TIMM44: variants seen among roughly 807,000 people sequenced by gnomAD.
TIMM44 encodes the protein mitochondrial import inner membrane translocase subunit TIM44.
TIMM44 carries 37 observed loss-of-function variants against 63.8 expected under a neutral mutation model. That is an observed-to-expected ratio of 0.58 (90% CI 0.45 to 0.76). The LOEUF is 0.76. Among genes scored for constraint, TIMM44 ranks in the 30% least tolerant of loss-of-function variants. The pLI is 0.00. For missense variants in TIMM44, 573 were observed against 603.8 expected, an observed-to-expected ratio of 0.95 and a Z score of 0.54; for synonymous variants, 239 against 245.1, an observed-to-expected ratio of 0.98 and a Z score of 0.23.
At position 7,932,747 on chromosome 19, in the gene TIMM44, G is replaced by A; in HGVS notation, c.867C>T (p.Gly289=). 1 of 1,614,102 alleles carries A rather than the reference G, an allele frequency of 6.2e-7. No homozygotes were observed. Among genetic ancestry groups the A allele is most frequent in the Non-Finnish European group, 8.5e-7 (1 of 1,179,982 alleles). The part of the protein sequence containing the change: ...LTDKVTDLLG[G]LFSKTEMSEV... ...CCGACATCTCTGTCTTGGAGAACAG[G>A]CCCCCTGCAGGGAGCAGAGCCGGGA... The change falls in exon 9 of 13, where the codon GGC becomes GGT. Residue 289 remains glycine, a synonymous_variant. Transcript: ENST00000270538.
chr19:7,938,036 T>C lies in TIMM44; in HGVS notation c.303A>G (p.Arg101=). ...CAGCAAAGAAACTCACGTATTTCCT[T>C]CTGGCCTCCTGGAGCACGTCTGATT... ...LEESDVLQEA[R]RKYKTIESET... is the part of the protein sequence containing the mutation. Residue 101 remains arginine, a synonymous_variant, in exon 3 of 13, where the codon AGA becomes AGG. Transcript: ENST00000270538. The C allele has an allele frequency of 6.2e-7, 1 of 1,614,076 alleles. No individual in the cohort carries two copies. The highest frequency in any genetic ancestry group is 8.5e-7 in the Non-Finnish European group (1 of 1,179,994).
chr19:7,934,670 G>A lies in TIMM44; in HGVS notation c.393+395C>T, dbSNP rs1568296797. Among the ~76,000 whole-genome samples, 1 of 152,124 alleles carries A rather than the reference G, an allele frequency of 6.6e-6. No individual in the cohort carries two copies. Among genetic ancestry groups the A allele is most frequent in the Non-Finnish European group, 1.5e-5 (1 of 67,992 alleles). On this transcript the variant is annotated intron_variant, in intron 4 of 12. Transcript: ENST00000270538. This position sits in a 1 kb window ranked among gnomAD's most constrained non-coding sequence, Gnocchi z 5.3. ...CCGGGGAAAGAACGGCGGTGAGGGC[G>A]CCCCATGCTGCGCAAAGCTGGACAG...
intron 10 of TIMM44, among the ~76,000 whole-genome samples, chr19:7,930,394 C>T (rs760854344): frequency 1.3e-5 from 2 of 150,900 alleles, no homozygotes; most frequent in Non-Finnish European, 2.9e-5. Context: ...CTGTAACCTC[C>T]ACCTCCCGGA....
At chr19:7,927,329 C>A in intron 12 of TIMM44, 23 bp from the exon 13 acceptor site, 3 of 1,607,564 alleles carry the variant, frequency 1.9e-6, no homozygotes, top group Non-Finnish European at 2.5e-6. Context: ...GTGGGAAGGG[C>A]ACTGTTGAGA....
intron 2 of TIMM44, among the ~76,000 whole-genome samples, chr19:7,939,869 G>A (rs568232877): frequency 3.2e-4 from 49 of 152,204 alleles, no homozygotes; most frequent in African/African-American, 1.1e-3. Context: ...GCGGTATCTC[G>A]CCCCTGCACT....
At chr19:7,931,898 C>G (rs1338266716) in intron 9 of TIMM44, 1 of 155,160 alleles carries the variant, frequency 6.4e-6, no homozygotes, top group Non-Finnish European at 1.4e-5. Flanking sequence ...GGCGCCCATC[C>G]GCACCACCTC....
At chr19:7,928,699 G>A (rs1241700410) in intron 10 of TIMM44, 3 of 152,074 alleles carry the variant, frequency 2.0e-5, no homozygotes, top group Non-Finnish European at 4.4e-5. Flanking sequence ...GAGAAAAGAT[G>A]TTCTGATAGC....
intron 1 of TIMM44, among the ~76,000 whole-genome samples, chr19:7,942,760 A>C (rs1277809068): frequency 1.3e-5 from 2 of 150,276 alleles, no homozygotes. Context: ...TGCCGGGTTC[A>C]AGTGATTCTC....
Position 7,932,937 on chromosome 19 carries a change from G to A in TIMM44, c.770-5C>T. On this transcript the variant is annotated splice_region_variant and splice_polypyrimidine_tract_variant and intron_variant, in intron 7 of 12. Coordinates refer to ENST00000270538, the MANE Select transcript of TIMM44 (RefSeq NM_006351.4). ...TCATCTTCATCTCGAAGAACCCTGT[G>A]GAAGATGGGGTAGGTGCTGGAGAAG... is the stretch of plus-strand genomic sequence containing the variant. The A allele has an allele frequency of 6.2e-7, 1 of 1,613,196 alleles. No individual in the cohort carries two copies. Among genetic ancestry groups the A allele is most frequent in the Non-Finnish European group, 8.5e-7 (1 of 1,179,232 alleles).
chr19:7,929,261 T>A (rs1014182827), intron 10 of TIMM44, among the ~76,000 whole-genome samples: 27 of 152,160 alleles, frequency 1.8e-4, no homozygotes, highest in African/African-American at 6.5e-4. Flanking sequence ...AGACCCCAGG[T>A]ACGCGGTGCT....
chr19:7,927,447 A>G, intron 12 of TIMM44, 141 bp from the exon 13 acceptor site: 2 of 1,142,326 alleles, frequency 1.8e-6, no homozygotes, highest in Non-Finnish European at 2.6e-6. Flanking sequence ...AATTGCCTAG[A>G]CTCAGGAACC....
Position 7,935,756 on chromosome 19 carries a change from C to T in TIMM44, c.313-611G>A, listed in dbSNP as rs528360970. Among the ~76,000 whole-genome samples the T allele has an allele frequency of 2.0e-5, 3 of 152,302 alleles. No individual in the cohort carries two copies. The South Asian group carries it at 6.2e-4, about 32-fold the overall frequency. On this transcript the variant is annotated intron_variant, in intron 3 of 12. Transcript: ENST00000270538. ...GGTAGGAGGTGGCCTTGCCTGTCAT[C>T]ACTGTGCCCCTCATCCAGCCTCCAG...
rs753419157 is a variant in TIMM44, at chr19:7,935,167, C to CTTTTT, written c.313-27_313-23dup. 2.9e-4 allele frequency: 365 copies of CTTTTT among 1,253,594 alleles called. 4 individuals carry two copies. The highest frequency in any genetic ancestry group is 4.7e-4 in the Middle Eastern group (2 of 4,236). The allele number at this position is 1,253,594 out of a possible 1,614,324, so 77.7% of individuals were successfully genotyped here. A position where few individuals can be genotyped will look rare whatever the true frequency, so the allele number is the denominator to read the frequency against. ...TTTTCTAGGTAAAGAGCGCTGTGTC[C>CTTTTT]TTTTTTTTTTTTTTTTTTTTGAGAC... is the stretch of plus-strand genomic sequence containing the variant. On this transcript the variant is annotated intron_variant, in intron 3 of 12. Transcript: ENST00000270538.
At chr19:7,938,756 A>G (rs1238994462) in intron 2 of TIMM44, among the ~76,000 whole-genome samples, 1 of 152,160 alleles carries the variant, frequency 6.6e-6, no homozygotes, top group African/African-American at 2.4e-5. Flanking sequence ...GCAGTGAGCC[A>G]AGATTATGCC....
chr19:7,927,790 G>C (rs764028635), intron 11 of TIMM44, 23 bp from the exon 12 acceptor site: 5 of 1,604,168 alleles, frequency 3.1e-6, no homozygotes, highest in African/African-American at 2.7e-5. Flanking sequence ...CGAGAGGGGG[G>C]ATGTGCCTCA....
chr19:7,932,915 T>C lies in TIMM44; in HGVS notation c.787A>G (p.Met263Val), dbSNP rs1984029651. 1.2e-6 allele frequency: 2 copies of C among 1,614,114 alleles called. No homozygotes were observed. Among genetic ancestry groups the C allele is most frequent in the Admixed American group, 1.7e-5 (1 of 60,032 alleles). Residue 263 changes from methionine (M) to valine (V), a missense_variant, in exon 8 of 13, where the codon ATG (methionine) becomes GTG (valine). Coordinates refer to ENST00000270538, the MANE Select transcript of TIMM44 (RefSeq NM_006351.4). ...GCGTTGTCGCTTTCGTCATACTTCATCTTCATCTCGAAGAACCCTGTGGAA... is the reference window on the plus strand; with the variant it reads ...GCGTTGTCGCTTTCGTCATACTTCACCTTCATCTCGAAGAACCCTGTGGAA... ...VVFNRFFEMK[M>V]KYDESDNAFI... is the part of the protein sequence containing the mutation.
chr19:7,935,305 A>T, intron 3 of TIMM44, 160 bp from the exon 4 acceptor site: 2 of 663,792 alleles, frequency 3.0e-6, no homozygotes, highest in Non-Finnish European at 5.2e-6. Flanking sequence ...AGCTGGGACT[A>T]CAGGGCCCAC....
chr19:7,939,249 G>C (rs1413069314), intron 2 of TIMM44, among the ~76,000 whole-genome samples: 3 of 152,156 alleles, frequency 2.0e-5, no homozygotes, highest in African/African-American at 7.2e-5. Flanking sequence ...GGAGGGGCAT[G>C]GCAACTCTTT....
intron 12 of TIMM44, 63 bp from the exon 13 acceptor site, chr19:7,927,369 G>C: frequency 1.9e-6 from 3 of 1,589,256 alleles, no homozygotes; most frequent in Non-Finnish European, 1.7e-6. Flanking sequence ...AGCTCTGGGG[G>C]GGGGCCAGGC....
Sources: allele counts gnomAD v4.1 joint callset (sites outside exome capture counted in the v4.1 genomes callset), GRCh38; gene constraint gnomAD v4.1.1; non-coding constraint Gnocchi (gnomAD v3.1); transcripts MANE v1.5; gene names NCBI Gene and HGNC (gene_info 2026-07-23, HGNC 2026-07-21).